Variants in ABCA10 observed in about 807,000 individuals in gnomAD.
The protein encoded by ABCA10 is ATP-binding cassette sub-family A member 10.
In ABCA10, 169 loss-of-function variants were observed where a neutral mutation model predicts 187.5. That is an observed-to-expected ratio of 0.90 (90% CI 0.80 to 1.02). The LOEUF is 1.02. Ranked by LOEUF, ABCA10 falls within the 50% of genes least tolerant of loss-of-function variation. ABCA10 has a pLI of 0.00. For synonymous variants in ABCA10, 574 were observed against 601.8 expected (o/e 0.95, Z 0.68); for missense variants, 1,727 against 1,812.4 (o/e 0.95, Z 0.86).
chr17:69,226,803 C>T (rs1049109250), intron 2 of ABCA10, among the ~76,000 whole-genome samples: 1 of 151,840 alleles, frequency 6.6e-6, no homozygotes, highest in African/African-American at 2.4e-5. Flanking sequence ...CCCTGGCTGT[C>T]CCTGCCCCCA....
chr17:69,210,479 G>A (rs957023184), intron 9 of ABCA10, among the ~76,000 whole-genome samples: 1 of 151,638 alleles, frequency 6.6e-6, no homozygotes, highest in South Asian at 2.1e-4. Context: ...GTGAGCCACC[G>A]CGCCCGGCCT....
chr17:69,237,660 A>C (rs560473656), intron 1 of ABCA10, among the ~76,000 whole-genome samples: 1 of 152,248 alleles, frequency 6.6e-6, no homozygotes, highest in African/African-American at 2.4e-5. Flanking sequence ...TTTCCCCAAA[A>C]TTCATGTCCT....
At chr17:69,201,962 T>C (rs937160359) in intron 9 of ABCA10, among the ~76,000 whole-genome samples, 3 of 152,146 alleles carry the variant, frequency 2.0e-5, no homozygotes, top group African/African-American at 7.2e-5. Context: ...TTTGTATTTT[T>C]ATTAGAGACA....
intron 9 of ABCA10, among the ~76,000 whole-genome samples, chr17:69,205,488 T>C (rs2074584350): frequency 1.3e-5 from 2 of 152,234 alleles, no homozygotes. Context: ...ATCTACATTC[T>C]AGGGAAACAA....
chr17:69,162,036 A>G (rs1485507670), intron 27 of ABCA10, among the ~76,000 whole-genome samples: 1 of 152,232 alleles, frequency 6.6e-6, no homozygotes, highest in Non-Finnish European at 1.5e-5. Context: ...AGCAGAAACA[A>G]TAGTCAAATC....
intron 10 of ABCA10, among the ~76,000 whole-genome samples, chr17:69,198,002 C>T (rs2074518231): frequency 6.6e-6 from 1 of 152,140 alleles, no homozygotes; most frequent in Non-Finnish European, 1.5e-5. Context: ...TTCCTCTAAA[C>T]TGGCCCACTT....
intron 19 of ABCA10, 93 bp from the exon 20 acceptor site, chr17:69,185,736 G>A (rs771190600): frequency 1.0e-6 from 1 of 999,314 alleles, no homozygotes; most frequent in Non-Finnish European, 1.5e-6. Flanking sequence ...ACTATGGAAA[G>A]TCCACATGCA....
At chr17:69,230,912 A>G (rs181399411), upstream of ABCA10, among the ~76,000 whole-genome samples, 13 of 152,106 alleles carry the variant, frequency 8.5e-5, no homozygotes, top group East Asian at 2.5e-3. Flanking sequence ...TTTACATATG[A>G]CTGGCAATTA....
Position 69,174,338 on chromosome 17 carries a change from T to G in ABCA10, c.3105A>C (p.Ser1035=), listed in dbSNP as rs143503638. Reference sequence around the variant, plus strand: ...TTTTTCTCCACTTGCGAAAGATGAATGAAAGCACATATGTGAGGAATATAA... The same window carrying G: ...TTTTTCTCCACTTGCGAAAGATGAAGGAAAGCACATATGTGAGGAATATAA... ...VSLIFLTYVL[S]FIFRKWRKNN... The change falls in exon 25 of 39, where the codon TCA becomes TCC. Residue 1035 remains serine (S), a synonymous_variant. Coordinates refer to ENST00000690296, the MANE Select transcript of ABCA10 (RefSeq NM_001377321.1). 221 of 1,606,550 alleles carry G rather than the reference T, an allele frequency of 1.4e-4. 1 individual carries two copies. The African/African-American group carries it at 2.7e-3, about 20-fold the overall frequency.
intron 1 of ABCA10, among the ~76,000 whole-genome samples, chr17:69,238,504 A>G (rs1436740234): frequency 6.6e-6 from 1 of 152,214 alleles, no homozygotes; most frequent in Non-Finnish European, 1.5e-5. Context: ...TGGATTCTCT[A>G]TGAACTAGCT....
At chr17:69,191,939 A>G (rs913262388) in intron 16 of ABCA10, among the ~76,000 whole-genome samples, 5 of 152,260 alleles carry the variant, frequency 3.3e-5, no homozygotes, top group African/African-American at 1.2e-4. Flanking sequence ...GAATATAACT[A>G]CAGAAATTTA....
intron 27 of ABCA10, among the ~76,000 whole-genome samples, chr17:69,160,043 A>G (rs1244990135): frequency 6.6e-6 from 1 of 152,184 alleles, no homozygotes; most frequent in Non-Finnish European, 1.5e-5. Context: ...AAACTCATAG[A>G]AAAAAACTTA....
Position 69,210,170 on chromosome 17 carries a change from C to CTTTTTTTTTTTT in ABCA10, c.1006+4522_1006+4533dup, listed in dbSNP as rs1160992125. Among the ~76,000 whole-genome samples, 7 of 70,876 alleles carry CTTTTTTTTTTTT rather than the reference C, an allele frequency of 9.9e-5. 1 individual carries two copies. Among genetic ancestry groups the CTTTTTTTTTTTT allele is most frequent in the African/African-American group, 4.0e-4 (6 of 14,958 alleles). 46.5% of individuals were successfully genotyped at this position (70,876 alleles called of 152,430 possible). ...TGGGTAAATTATTTAGTGGTTATTTCTTTTTTTTTTTTTTTTTTTTTTTTT... is the reference window on the plus strand; with the variant it reads ...TGGGTAAATTATTTAGTGGTTATTTCTTTTTTTTTTTTTTTTTTTTTTTTTTTTTTTTTTTTT... On this transcript the variant is annotated intron_variant, in intron 9 of 38. Transcript: ENST00000690296.
intron 9 of ABCA10, 125 bp from the exon 10 acceptor site, chr17:69,201,793 A>C: frequency 1.3e-6 from 1 of 760,842 alleles, no homozygotes; most frequent in Non-Finnish European, 1.8e-6. Flanking sequence ...TATATTTATA[A>C]TTTTTTTTTT....
intron 37 of ABCA10, among the ~76,000 whole-genome samples, chr17:69,149,477 T>G (rs2074112340): frequency 6.6e-6 from 1 of 152,178 alleles, no homozygotes; most frequent in Non-Finnish European, 1.5e-5. Flanking sequence ...AAATACGCAG[T>G]GTCTCTGGAA....
chr17:69,176,455 G>C (rs2074334554), intron 22 of ABCA10, among the ~76,000 whole-genome samples: 1 of 151,988 alleles, frequency 6.6e-6, no homozygotes, highest in South Asian at 2.1e-4. Context: ...GTAAGTTTTT[G>C]TCATAAATGC....
chr17:69,175,726 T>C (rs1287166277), intron 22 of ABCA10: 4 of 393,734 alleles, frequency 1.0e-5, no homozygotes, highest in African/African-American at 6.3e-5. Context: ...CTCAATTTTA[T>C]ATGTATATAC....
intron 19 of ABCA10, among the ~76,000 whole-genome samples, chr17:69,187,385 C>A (rs2144796803): frequency 6.6e-6 from 1 of 152,244 alleles, no homozygotes; most frequent in African/African-American, 2.4e-5. Flanking sequence ...CCCCCTAAAC[C>A]TTTGCTAATA....
chr17:69,184,916 TAC>T (rs142309537), intron 20 of ABCA10, among the ~76,000 whole-genome samples: 6,417 of 141,180 alleles, frequency 0.045, 141 homozygotes, highest in Admixed American at 0.057. Context: ...ACTTTTTAAA[TAC>T]ACACACACAC....
Sources: allele counts gnomAD v4.1 joint callset (sites outside exome capture counted in the v4.1 genomes callset), GRCh38; gene constraint gnomAD v4.1.1; transcripts MANE v1.5; gene names NCBI Gene and HGNC (gene_info 2026-07-23, HGNC 2026-07-21).